The following CDH13 variants were observed in gnomAD, a reference collection of about 807,000 sequenced individuals.
The protein encoded by CDH13 is cadherin 13.
In CDH13, 24 loss-of-function variants were observed where a neutral mutation model predicts 63.8. The ratio of observed to expected loss-of-function variants is 0.38; its 90% confidence interval spans 0.27 to 0.53. The LOEUF is 0.53. Among genes scored for constraint, CDH13 ranks in the 20% least tolerant of loss-of-function variants. The probability of loss-of-function intolerance (pLI) is 0.85; values close to 1 mark genes in which losing one functional copy is unlikely to be tolerated. For missense variants in CDH13, 1,049 were observed against 903.1 expected (o/e 1.16, Z -2.07); for synonymous variants, 503 against 355.3 (o/e 1.42, Z -4.67).
chr16:83,450,227 G>A (rs182100919), intron 6 of CDH13, among the ~76,000 whole-genome samples: 6 of 152,228 alleles, frequency 3.9e-5, no homozygotes, highest in Non-Finnish European at 8.8e-5. Flanking sequence ...CACCTGTGAG[G>A]CCCATAAGCC....
intron 4 of CDH13, among the ~76,000 whole-genome samples, chr16:83,210,899 G>A (rs1388256153): frequency 2.7e-5 from 4 of 150,490 alleles, no homozygotes; most frequent in South Asian, 2.1e-4. Context: ...CTTCTAATCC[G>A]AGCACTTTGG....
intron 2 of CDH13, among the ~76,000 whole-genome samples, chr16:82,906,928 C>G (rs2041665666): frequency 6.6e-6 from 1 of 152,094 alleles, no homozygotes; most frequent in South Asian, 2.1e-4. Context: ...TAGAGCCTAC[C>G]CTAATCTAAA....
At chr16:83,440,478 C>T (rs961285747) in intron 6 of CDH13, among the ~76,000 whole-genome samples, 3 of 151,990 alleles carry the variant, frequency 2.0e-5, no homozygotes, top group African/African-American at 7.3e-5. Flanking sequence ...CGTGGCAGGT[C>T]ACAGAAGATG....
At chr16:83,534,467 A>C (rs1039559013) in intron 7 of CDH13, among the ~76,000 whole-genome samples, 5 of 152,188 alleles carry the variant, frequency 3.3e-5, no homozygotes, top group African/African-American at 1.2e-4. Context: ...TCTGACATCA[A>C]ATAAGCCATC....
At chr16:83,324,666 G>A (rs562002901) in intron 5 of CDH13, among the ~76,000 whole-genome samples, 1 of 152,194 alleles carries the variant, frequency 6.6e-6, no homozygotes, top group Non-Finnish European at 1.5e-5. Context: ...CAGTTGGGTT[G>A]TTTCTACCTT....
chr16:83,101,906 C>T (rs1191390458), intron 3 of CDH13, among the ~76,000 whole-genome samples: 1 of 152,160 alleles, frequency 6.6e-6, no homozygotes, highest in African/African-American at 2.4e-5. Context: ...ACCAAGGCCC[C>T]AGGATTGTTC....
At chr16:82,787,162 G>C (rs1004526934) in intron 1 of CDH13, among the ~76,000 whole-genome samples, 10 of 152,176 alleles carry the variant, frequency 6.6e-5, no homozygotes, top group Admixed American at 6.5e-4. Flanking sequence ...CTGGTCTCAG[G>C]CTAGGCAAGG....
intron 7 of CDH13, among the ~76,000 whole-genome samples, chr16:83,550,137 CA>C (rs1164762577): frequency 6.6e-6 from 1 of 152,210 alleles, no homozygotes; most frequent in Non-Finnish European, 1.5e-5. Flanking sequence ...TGCACTTTGC[CA>C]GGGGAAATGT....
intron 11 of CDH13, among the ~76,000 whole-genome samples, chr16:83,764,314 G>C (rs1449863373): frequency 1.3e-5 from 2 of 152,158 alleles, no homozygotes; most frequent in African/African-American, 4.8e-5. Context: ...TTGGACGTTG[G>C]CATCAATTCA....
At chr16:83,264,061 T>C (rs953749700) in intron 5 of CDH13, among the ~76,000 whole-genome samples, 1 of 152,218 alleles carries the variant, frequency 6.6e-6, no homozygotes, top group Non-Finnish European at 1.5e-5. Flanking sequence ...TTTATTAGCA[T>C]GTGATTTTCT....
intron 8 of CDH13, among the ~76,000 whole-genome samples, chr16:83,627,753 A>G (rs923139845): frequency 6.6e-6 from 1 of 152,104 alleles, no homozygotes; most frequent in East Asian, 1.9e-4. Flanking sequence ...GGGTTCTTGG[A>G]TCTTACACAA....
intron 1 of CDH13, among the ~76,000 whole-genome samples, chr16:82,783,718 C>T (rs142128724): frequency 1.1e-4 from 16 of 152,280 alleles, no homozygotes; most frequent in African/African-American, 1.7e-4. Flanking sequence ...TTGGGAAGTC[C>T]TCCCTTCCGA....
intron 1 of CDH13, among the ~76,000 whole-genome samples, chr16:82,714,974 G>C (rs1381511): frequency 8.2e-6 from 1 of 122,666 alleles, no homozygotes; most frequent in Non-Finnish European, 1.8e-5. Flanking sequence ...ACACCAGCCA[G>C]TGTGTGATAC....
intron 4 of CDH13, among the ~76,000 whole-genome samples, chr16:83,187,602 G>C (rs1050672644): frequency 1.3e-5 from 2 of 151,938 alleles, no homozygotes; most frequent in South Asian, 2.1e-4. Flanking sequence ...TTTGCAACCC[G>C]CAGCTCTGGA....
chr16:83,609,017 T>C (rs534555298), intron 8 of CDH13, among the ~76,000 whole-genome samples: 1 of 152,250 alleles, frequency 6.6e-6, no homozygotes, highest in East Asian at 1.9e-4. Context: ...TCATCAAGAG[T>C]TTAGAAACTT....
chr16:83,220,785 A>G (rs987162572), intron 5 of CDH13, among the ~76,000 whole-genome samples: 4 of 152,150 alleles, frequency 2.6e-5, no homozygotes, highest in Non-Finnish European at 5.9e-5. Context: ...TTGATGTATT[A>G]ACGTTTTCCA....
chr16:83,526,068 C>T (rs143754061), intron 7 of CDH13, among the ~76,000 whole-genome samples: 26 of 152,246 alleles, frequency 1.7e-4, no homozygotes, highest in African/African-American at 3.4e-4. Context: ...GTTAAGACAC[C>T]GTGCTGTCGT....
At chr16:83,531,439 G>C (rs2151633180) in intron 7 of CDH13, among the ~76,000 whole-genome samples, 1 of 152,302 alleles carries the variant, frequency 6.6e-6, no homozygotes, top group East Asian at 1.9e-4. Flanking sequence ...GACTTTGCTG[G>C]TGTGATTAAG....
chr16:82,737,943 C>G (rs2033756079), intron 1 of CDH13, among the ~76,000 whole-genome samples: 1 of 152,196 alleles, frequency 6.6e-6, no homozygotes, highest in Admixed American at 6.5e-5. Context: ...TCCTTATGCC[C>G]CTCCAGTGTT....
Sources: allele counts gnomAD v4.1 joint callset (sites outside exome capture counted in the v4.1 genomes callset), GRCh38; gene constraint gnomAD v4.1.1; transcripts MANE v1.5; gene names NCBI Gene and HGNC (gene_info 2026-07-23, HGNC 2026-07-21).